Variants in MACROD2 observed in about 807,000 individuals in gnomAD.
The protein encoded by MACROD2 is ADP-ribose glycohydrolase MACROD2.
A neutral mutation model predicts 70.4 loss-of-function variants in MACROD2; 36 were observed. That is an observed-to-expected ratio of 0.51 (90% CI 0.39 to 0.68). The LOEUF (loss-of-function observed/expected upper bound fraction) is 0.68. MACROD2 is among the 30% of genes least tolerant of loss of function. The pLI is 0.00. For synonymous variants in MACROD2, 172 were observed against 178.8 expected (o/e 0.96, Z 0.30); for missense variants, 496 against 538.4 (o/e 0.92, Z 0.78).
At chr20:15,342,881 G>A (rs2078125723) in intron 6 of MACROD2, among the ~76,000 whole-genome samples, 1 of 152,096 alleles carries the variant, frequency 6.6e-6, no homozygotes, top group South Asian at 2.1e-4. Flanking sequence ...AGGGCGCTTT[G>A]CTTTACTATT....
intron 8 of MACROD2, among the ~76,000 whole-genome samples, chr20:15,659,593 ATAT>A (rs1198614074): frequency 6.6e-6 from 1 of 151,384 alleles, no homozygotes; most frequent in Non-Finnish European, 1.5e-5. Context: ...ATGTCTGGAG[ATAT>A]TTTTGTTTTT....
intron 5 of MACROD2, among the ~76,000 whole-genome samples, chr20:14,816,173 T>C (rs542532589): frequency 2.0e-4 from 30 of 152,044 alleles, no homozygotes; most frequent in African/African-American, 7.0e-4. Context: ...GATAAGATGG[T>C]AGGTTTGTTG....
chr20:14,735,082 T>C (rs1040469256), intron 5 of MACROD2, among the ~76,000 whole-genome samples: 1 of 152,162 alleles, frequency 6.6e-6, no homozygotes, highest in Non-Finnish European at 1.5e-5. Context: ...TGGTGATGGA[T>C]TCTTACATAT....
At chr20:14,691,336 C>T (rs986036317) in intron 5 of MACROD2, among the ~76,000 whole-genome samples, 3 of 152,190 alleles carry the variant, frequency 2.0e-5, no homozygotes, top group African/African-American at 7.2e-5. Context: ...AAAATACCTA[C>T]CCTCTATTCC....
intron 6 of MACROD2, among the ~76,000 whole-genome samples, chr20:15,273,265 A>G (rs1400206600): frequency 6.6e-6 from 1 of 152,112 alleles, no homozygotes; most frequent in African/African-American, 2.4e-5. Flanking sequence ...CCGAGCCTAC[A>G]TATTTTTCCT....
At chr20:16,005,464 A>T (rs1203430994) in intron 15 of MACROD2, among the ~76,000 whole-genome samples, 4 of 152,212 alleles carry the variant, frequency 2.6e-5, no homozygotes, top group African/African-American at 7.2e-5. Flanking sequence ...ATTGCCAAGT[A>T]TAACAGAAGC....
intron 8 of MACROD2, among the ~76,000 whole-genome samples, chr20:15,796,239 T>G (rs1271849611): frequency 6.6e-6 from 1 of 152,238 alleles, no homozygotes; most frequent in Non-Finnish European, 1.5e-5. Flanking sequence ...AAGCCCACGT[T>G]AATACTCTGA....
chr20:14,261,237 T>C (rs2082098613), intron 3 of MACROD2, among the ~76,000 whole-genome samples: 1 of 147,026 alleles, frequency 6.8e-6, no homozygotes, highest in Non-Finnish European at 1.5e-5. Context: ...ATAGAGACAG[T>C]CACTTTGGAA....
chr20:15,234,012 C>CTTTTTTTTTTTTTTTTTTTTTT (rs1177498607), intron 6 of MACROD2, among the ~76,000 whole-genome samples: 2 of 29,182 alleles, frequency 6.9e-5, no homozygotes, highest in Non-Finnish European at 1.2e-4. Context: ...TATATATATT[C>CTTTTTTTTTTTTTTTTTTTTTT]TTTTTTTTTT....
intron 6 of MACROD2, among the ~76,000 whole-genome samples, chr20:15,242,494 G>T (rs1410332321): frequency 6.6e-6 from 1 of 152,226 alleles, no homozygotes. Context: ...CTGGTCTTCA[G>T]TTTGCCTTTA....
At position 14,190,527 on chromosome 20, in the gene MACROD2, T is replaced by TG. The variant is rs935703038; in HGVS notation, c.271+104801dup. Among the ~76,000 whole-genome samples, 47 of 150,950 alleles carry TG rather than the reference T, an allele frequency of 3.1e-4. 1 individual carries two copies. The highest frequency in any genetic ancestry group is 1.1e-3 in the African/African-American group (46 of 41,270). Reference sequence around the variant, plus strand: ...TTTTCTCTTCAAATTTGTCTCCTTTTGGTAAGGAGACAAATTTGAATAAAG... The same window carrying TG: ...TTTTCTCTTCAAATTTGTCTCCTTTTGGGTAAGGAGACAAATTTGAATAAAG... On this transcript the variant is annotated intron_variant, in intron 3 of 17. Transcript: ENST00000684519.
chr20:15,983,223 G>T (rs546687719), intron 13 of MACROD2, among the ~76,000 whole-genome samples: 1 of 152,274 alleles, frequency 6.6e-6, no homozygotes, highest in South Asian at 2.1e-4. Context: ...GGTATTCCTT[G>T]TGGGGCTCCA....
intron 7 of MACROD2, among the ~76,000 whole-genome samples, chr20:15,474,632 A>G (rs1473744443): frequency 6.6e-6 from 1 of 152,218 alleles, no homozygotes; most frequent in Non-Finnish European, 1.5e-5. Context: ...CTGCCAGCAT[A>G]CACAGTAACT....
intron 8 of MACROD2, among the ~76,000 whole-genome samples, chr20:15,710,635 C>T (rs1220271768): frequency 1.3e-5 from 2 of 152,194 alleles, no homozygotes; most frequent in African/African-American, 4.8e-5. Flanking sequence ...TAAAGGAAAC[C>T]CTGTCAAGTA....
At chr20:15,024,890 AG>A (rs1226479327) in intron 5 of MACROD2, among the ~76,000 whole-genome samples, 1 of 152,180 alleles carries the variant, frequency 6.6e-6, no homozygotes, top group African/African-American at 2.4e-5. Flanking sequence ...CCCCTGTCTA[AG>A]GTACCAACCT....
intron 5 of MACROD2, among the ~76,000 whole-genome samples, chr20:14,971,023 T>C (rs989995319): frequency 1.2e-4 from 18 of 152,170 alleles, no homozygotes; most frequent in African/African-American, 4.3e-4. Context: ...CAGTGAGGGA[T>C]TGCTTCCAGG....
At chr20:15,817,945 C>G (rs2063895139) in intron 8 of MACROD2, among the ~76,000 whole-genome samples, 1 of 152,112 alleles carries the variant, frequency 6.6e-6, no homozygotes, top group Admixed American at 6.6e-5. Context: ...ACTTCTTGTT[C>G]CCCCAAAAGC....
Position 14,037,624 on chromosome 20 carries a change from G to A in MACROD2, c.163+35220G>A, listed in dbSNP as rs541757166. On this transcript the variant is annotated intron_variant, in intron 2 of 17. Coordinates refer to ENST00000684519, the MANE Select transcript of MACROD2 (RefSeq NM_001351661.2). ...TGATGTCGCTAATCTATGTGAACAC[G>A]CCAACTGTGTGTGTGTTGGTGGGGG... Among the ~76,000 whole-genome samples, 19 of 143,702 alleles carry A rather than the reference G, an allele frequency of 1.3e-4. No homozygotes were observed. In the South Asian group the frequency reaches 4.2e-3, roughly 32 times the overall value. The allele number at this position is 143,702 out of a possible 152,430, so 94.3% of individuals were successfully genotyped here. A position where few individuals can be genotyped will look rare whatever the true frequency, so the allele number is the denominator to read the frequency against.
At chr20:14,631,437 G>A (rs1568710086) in intron 4 of MACROD2, among the ~76,000 whole-genome samples, 2 of 152,106 alleles carry the variant, frequency 1.3e-5, no homozygotes, top group African/African-American at 2.4e-5. Context: ...GATGTTGCCC[G>A]ACTTTAGAAT....
Sources: allele counts gnomAD v4.1 joint callset (sites outside exome capture counted in the v4.1 genomes callset), GRCh38; gene constraint gnomAD v4.1.1; transcripts MANE v1.5; gene names NCBI Gene and HGNC (gene_info 2026-07-23, HGNC 2026-07-21).